The following LRRC37A2 variants were observed in gnomAD, a reference collection of about 807,000 sequenced individuals.
LRRC37A2 encodes leucine rich repeat containing 37 member A2, also known as leucine-rich repeat-containing protein 37A2.
A neutral mutation model predicts 68.8 loss-of-function variants in LRRC37A2; 9 were observed. The observed-to-expected ratio is 0.13, with a 90% CI of 0.08 to 0.23. The LOEUF is 0.23. LRRC37A2 is among the 10% of genes least tolerant of loss of function. The pLI, the probability that LRRC37A2 is intolerant of heterozygous loss-of-function variation, is 1.00. For synonymous variants in LRRC37A2, 63 were observed against 367.6 expected, an observed-to-expected ratio of 0.17 and a Z score of 9.48; for missense variants, 168 against 950.4, an observed-to-expected ratio of 0.18 and a Z score of 10.82.
the LRRC37A2 span, among the ~76,000 whole-genome samples, chr17:46,883,464 T>C: frequency 7.2e-5 from 11 of 152,002 alleles, no homozygotes; most frequent in African/African-American, 2.4e-4. Flanking sequence ...TTTGTATTTT[T>C]AGTAGAGACG....
chr17:46,834,597 T>C, the LRRC37A2 span, among the ~76,000 whole-genome samples: 1 of 152,150 alleles, frequency 6.6e-6, no homozygotes, highest in Admixed American at 6.5e-5. Context: ...TCCTGGGCTG[T>C]AGGTAGGGGC....
chr17:46,986,596 G>A, the LRRC37A2 span, among the ~76,000 whole-genome samples: 1 of 152,320 alleles, frequency 6.6e-6, no homozygotes, highest in East Asian at 1.9e-4. Context: ...TCACAACAAG[G>A]GAATGTAGCA....
chr17:47,012,606 C>CTT, the LRRC37A2 span, among the ~76,000 whole-genome samples: 1 of 152,024 alleles, frequency 6.6e-6, no homozygotes, highest in African/African-American at 2.4e-5. Flanking sequence ...TATACAATGG[C>CTT]CAATAAGCAC....
At chr17:46,606,273 G>A in the LRRC37A2 span, among the ~76,000 whole-genome samples, 1 of 20,356 alleles carries the variant, frequency 4.9e-5, no homozygotes, top group Non-Finnish European at 8.3e-5. Context: ...TGAAGAGAAA[G>A]GTAAAGCTAT....
At chr17:46,876,148 C>G in the LRRC37A2 span, 1 of 1,199,662 alleles carries the variant, frequency 8.3e-7, no homozygotes. Flanking sequence ...CTTTCCCATT[C>G]TCCTGCCTCT....
At chr17:46,816,030 C>T in the LRRC37A2 span, among the ~76,000 whole-genome samples, 3 of 152,134 alleles carry the variant, frequency 2.0e-5, no homozygotes, top group Admixed American at 1.3e-4. Context: ...ACAATCAGGT[C>T]ATGGCCATGA....
the LRRC37A2 span, chr17:46,751,689 C>T: frequency 1.2e-6 from 1 of 846,788 alleles, no homozygotes; most frequent in Non-Finnish European, 1.8e-6. Context: ...TTCAGTATTT[C>T]CTTTGCCAAG....
chr17:46,911,456 A>G, the LRRC37A2 span: 1 of 152,234 alleles, frequency 6.6e-6, no homozygotes, highest in African/African-American at 2.4e-5. Flanking sequence ...GGTGTATCTG[A>G]TCCAACTGGT....
the LRRC37A2 span, among the ~76,000 whole-genome samples, chr17:46,492,709 T>A: frequency 9.3e-6 from 1 of 107,768 alleles, no homozygotes; most frequent in South Asian, 3.3e-4. Flanking sequence ...TTTTTTTTTT[T>A]TTGAGATGGA....
chr17:46,605,172 C>A, the LRRC37A2 span, among the ~76,000 whole-genome samples: 1 of 63,092 alleles, frequency 1.6e-5, no homozygotes, highest in Non-Finnish European at 3.4e-5. Context: ...CTGTCAGAGG[C>A]TGGGCATGGT....
chr17:46,938,838 A>G, the LRRC37A2 span: 3 of 1,606,330 alleles, frequency 1.9e-6, no homozygotes, highest in Non-Finnish European at 2.5e-6. Context: ...AGGGGGGCCC[A>G]GAGGCCGCCT....
the LRRC37A2 span, among the ~76,000 whole-genome samples, chr17:46,942,534 A>G: frequency 6.6e-6 from 1 of 152,180 alleles, no homozygotes; most frequent in Non-Finnish European, 1.5e-5. Context: ...GGGGGGATTG[A>G]GAGGTGTGCA....
At chr17:46,842,335 G>A in the LRRC37A2 span, among the ~76,000 whole-genome samples, 1 of 152,154 alleles carries the variant, frequency 6.6e-6, no homozygotes, top group African/African-American at 2.4e-5. Flanking sequence ...AGGGGCTGCT[G>A]CTCTACAACC....
chr17:46,816,340 G>A, the LRRC37A2 span, among the ~76,000 whole-genome samples: 5 of 151,768 alleles, frequency 3.3e-5, no homozygotes, highest in South Asian at 2.1e-4. Flanking sequence ...ACAACCTGTC[G>A]TGGGCATGGA....
the LRRC37A2 span, among the ~76,000 whole-genome samples, chr17:46,912,842 C>A: frequency 6.6e-6 from 1 of 152,174 alleles, no homozygotes; most frequent in Non-Finnish European, 1.5e-5. Context: ...TGTGACTCGG[C>A]CCTCTTTGGG....
At chr17:46,934,970 G>A in the LRRC37A2 span, 5 of 1,518,666 alleles carry the variant, frequency 3.3e-6, no homozygotes, top group Non-Finnish European at 4.6e-6. Flanking sequence ...ACAGAGCAGT[G>A]AGACCCCAGG....
intron 2 of LRRC37A2, among the ~76,000 whole-genome samples, chr17:46,516,192 A>G (rs1249840974): frequency 2.7e-5 from 4 of 148,860 alleles, no homozygotes; most frequent in Non-Finnish European, 4.5e-5. Context: ...AGTCCCAGCT[A>G]CTCGGGAGGC....
At chr17:46,635,609 G>A in the LRRC37A2 span, among the ~76,000 whole-genome samples, 22 of 89,856 alleles carry the variant, frequency 2.4e-4, 1 homozygote, top group South Asian at 2.2e-3. Flanking sequence ...AGCTCTGAGC[G>A]TTAGGCAAAC....
chr17:47,006,181 T>A, the LRRC37A2 span, among the ~76,000 whole-genome samples: 150,922 of 152,138 alleles, frequency 0.99, 74,862 homozygotes, highest in East Asian at 1. Context: ...GGAAAAAAAA[T>A]TTTTTTTTCC....
Sources: allele counts gnomAD v4.1 joint callset (sites outside exome capture counted in the v4.1 genomes callset), GRCh38; gene constraint gnomAD v4.1.1; transcripts MANE v1.5; gene names NCBI Gene and HGNC (gene_info 2026-07-23, HGNC 2026-07-21).